EXTL3: variants seen among roughly 807,000 people sequenced by gnomAD.
EXTL3 encodes exostosin-like 3.
EXTL3 carries 27 observed loss-of-function variants against 69.3 expected under a neutral mutation model. The observed-to-expected ratio is 0.39, with a 90% CI of 0.29 to 0.54. The LOEUF (loss-of-function observed/expected upper bound fraction) is 0.54. EXTL3 is among the 20% of genes least tolerant of loss of function. The pLI, the probability that EXTL3 is intolerant of heterozygous loss-of-function variation, is 0.69. For synonymous variants in EXTL3, 511 were observed against 499.4 expected (o/e 1.02, Z -0.31); for missense variants, 1,003 against 1,231.8 (o/e 0.81, Z 2.78).
intron 1 of EXTL3, among the ~76,000 whole-genome samples, chr8:28,706,349 T>G (rs960396304): frequency 6.6e-6 from 1 of 152,244 alleles, no homozygotes; most frequent in Non-Finnish European, 1.5e-5. Context: ...CCTGCCACAT[T>G]GTAGCAGCCA....
chr8:28,624,724 C>T (rs534647340), intron 1 of EXTL3, among the ~76,000 whole-genome samples: 22 of 151,958 alleles, frequency 1.4e-4, no homozygotes, highest in South Asian at 8.4e-4. Context: ...TAATAGTCAC[C>T]GACACCATAA....
At chr8:28,670,053 A>T (rs1317148583) in intron 1 of EXTL3, among the ~76,000 whole-genome samples, 1 of 152,036 alleles carries the variant, frequency 6.6e-6, no homozygotes, top group Non-Finnish European at 1.5e-5. Context: ...GACCAAAAAT[A>T]CAAAAACTAG....
chr8:28,656,215 T>C (rs190770477), intron 1 of EXTL3, among the ~76,000 whole-genome samples: 1 of 152,064 alleles, frequency 6.6e-6, no homozygotes, highest in East Asian at 1.9e-4. Context: ...CGTCATCCAG[T>C]CTGGGGTGCA....
chr8:28,731,248 T>G lies in EXTL3; in HGVS notation c.2174T>G (p.Leu725Trp). Residue 725 changes from leucine to tryptophan, a missense_variant, in exon 4 of 7, where the codon TTG (leucine) becomes TGG (tryptophan). Coordinates refer to ENST00000220562, the MANE Select transcript of EXTL3 (RefSeq NM_001440.4). ...GTGGTCCGTACTGAGAAGAACAGTT[T>G]GAACAACCGATTCTTACCCTGGAAT... ...IMVVRTEKNS[L>W]NNRFLPWNEI... is the part of the protein sequence containing the mutation. The G allele has an allele frequency of 6.2e-7, 1 of 1,614,230 alleles. No individual in the cohort carries two copies. The highest frequency in any genetic ancestry group is 8.5e-7 in the Non-Finnish European group (1 of 1,180,030).
chr8:28,743,109 T>C lies in EXTL3; in HGVS notation c.2445T>C (p.Tyr815=). The C allele has an allele frequency of 1.2e-6, 2 of 1,614,192 alleles. No individual in the cohort carries two copies. The highest frequency in any genetic ancestry group is 1.1e-5 in the South Asian group (1 of 91,088). The change falls in exon 6 of 7, where the codon TAT becomes TAC. Residue 815 remains tyrosine, a synonymous_variant. Transcript: ENST00000220562. ...FHKYYAYLYS[Y]VMPQAIRDMV... ...AGTATTATGCCTACCTGTATTCTTA[T>C]GTGATGCCCCAGGCCATCCGGGACA...
At chr8:28,714,385 A>G (rs1429299072) in intron 2 of EXTL3, among the ~76,000 whole-genome samples, 1 of 152,240 alleles carries the variant, frequency 6.6e-6, no homozygotes, top group Non-Finnish European at 1.5e-5. Context: ...AGAGAAGACT[A>G]TTACACCTTT....
At chr8:28,652,251 T>C (rs1806935362) in intron 1 of EXTL3, among the ~76,000 whole-genome samples, 1 of 152,160 alleles carries the variant, frequency 6.6e-6, no homozygotes, top group Non-Finnish European at 1.5e-5. Context: ...TTTAACTTCT[T>C]GAGGAACTGC....
At chr8:28,668,259 CAAAAAAAAAAAAAAAAGAAAA>C (rs1364622982) in intron 1 of EXTL3, among the ~76,000 whole-genome samples, 2 of 64,274 alleles carry the variant, frequency 3.1e-5, no homozygotes, top group African/African-American at 9.2e-5. Flanking sequence ...GGTCCTGTCT[CAAAAAAAAAAAAAAAAGAAAA>C]GAAAAAAGAA....
chr8:28,742,973 C>T (rs1409619370), intron 5 of EXTL3, 113 bp from the exon 6 acceptor site: 1 of 1,121,392 alleles, frequency 8.9e-7, no homozygotes, highest in African/African-American at 1.5e-5. Flanking sequence ...GCCAGTAATA[C>T]CTCCTAGTTA....
chr8:28,720,065 C>G (rs1381590031), intron 3 of EXTL3, among the ~76,000 whole-genome samples: 2 of 151,982 alleles, frequency 1.3e-5, no homozygotes, highest in Non-Finnish European at 2.9e-5. Context: ...GAGGAAATAG[C>G]TTCAGATGGA....
chr8:28,642,593 G>A (rs1413920641), intron 1 of EXTL3, among the ~76,000 whole-genome samples: 2 of 151,998 alleles, frequency 1.3e-5, no homozygotes, highest in Admixed American at 6.6e-5. Flanking sequence ...ACTCCAGTCG[G>A]GGAGACAGAG....
At chr8:28,643,403 G>T (rs1806774715) in intron 1 of EXTL3, among the ~76,000 whole-genome samples, 1 of 139,876 alleles carries the variant, frequency 7.1e-6, no homozygotes, top group African/African-American at 2.8e-5. Flanking sequence ...TCATTCTCCT[G>T]CTTTCTTTTT....
chr8:28,629,585 TGG>T (rs1806543060), intron 1 of EXTL3, among the ~76,000 whole-genome samples: 1 of 152,052 alleles, frequency 6.6e-6, no homozygotes, highest in South Asian at 2.1e-4. Context: ...GACTCCTGGA[TGG>T]GGCCCCTCGG....
At chr8:28,644,423 G>A (rs1806795324) in intron 1 of EXTL3, among the ~76,000 whole-genome samples, 1 of 152,160 alleles carries the variant, frequency 6.6e-6, no homozygotes, top group Non-Finnish European at 1.5e-5. Flanking sequence ...GTTTGGCCCA[G>A]TGCGGTGGCT....
intron 1 of EXTL3, among the ~76,000 whole-genome samples, chr8:28,626,811 G>C (rs913613188): frequency 6.6e-6 from 1 of 152,170 alleles, no homozygotes. Flanking sequence ...AGCCCTTCCA[G>C]GTAAACCCAC....
intron 1 of EXTL3, among the ~76,000 whole-genome samples, chr8:28,707,619 A>C (rs1800951254): frequency 6.6e-6 from 1 of 152,172 alleles, no homozygotes; most frequent in South Asian, 2.1e-4. Context: ...TCATTAGACC[A>C]ATAGTTTTGG....
chr8:28,618,931 A>G (rs1806363615), upstream of EXTL3, among the ~76,000 whole-genome samples: 1 of 117,206 alleles, frequency 8.5e-6, no homozygotes, highest in Non-Finnish European at 1.6e-5. Flanking sequence ...AAAAATACAG[A>G]AAAAAAAAAA....
At chr8:28,705,557 TAA>T (rs879318621) in intron 1 of EXTL3, among the ~76,000 whole-genome samples, 57 of 136,608 alleles carry the variant, frequency 4.2e-4, no homozygotes, top group Admixed American at 5.9e-4. Context: ...CCCTGTCTCT[TAA>T]AAAAAAAAAA....
chr8:28,669,134 G>A (rs1490257407), intron 1 of EXTL3, among the ~76,000 whole-genome samples: 1 of 152,170 alleles, frequency 6.6e-6, no homozygotes, highest in Non-Finnish European at 1.5e-5. Context: ...AAAATACTGG[G>A]ATTACAGGCA....
Sources: gnomAD v4.1 joint callset for allele counts (sites outside exome capture counted in the v4.1 genomes callset) on GRCh38, gnomAD v4.1.1 for gene constraint, MANE v1.5 for transcripts, NCBI Gene and HGNC (gene_info 2026-07-23, HGNC 2026-07-21) for gene names.